The following NMT2 variants were observed in gnomAD, a reference collection of about 807,000 sequenced individuals.
NMT2 encodes the protein N-myristoyltransferase 2, also known as glycylpeptide N-tetradecanoyltransferase 2.
NMT2 carries 35 observed loss-of-function variants against 65.4 expected under a neutral mutation model. The ratio of observed to expected loss-of-function variants is 0.54; its 90% CI spans 0.41 to 0.71. NMT2 has a LOEUF of 0.71. Among genes scored for constraint, NMT2 ranks in the 30% least tolerant of loss-of-function variants. NMT2 has a pLI of 0.00. For missense variants in NMT2, 489 were observed against 611.3 expected (o/e 0.80, Z 2.11); for synonymous variants, 226 against 231.8 (o/e 0.98, Z 0.23).
At chr10:15,166,210 GT>G (rs1176038715) in intron 1 of NMT2, among the ~76,000 whole-genome samples, 9 of 152,176 alleles carry the variant, frequency 5.9e-5, no homozygotes, top group African/African-American at 2.2e-4. Flanking sequence ...ATTATACTGA[GT>G]GGTGGGGTAA....
intron 8 of NMT2, among the ~76,000 whole-genome samples, chr10:15,120,892 G>C (rs1013129440): frequency 2.0e-5 from 3 of 152,178 alleles, no homozygotes; most frequent in Non-Finnish European, 4.4e-5. Flanking sequence ...TCTGGGTAAA[G>C]GTGATCAGGG....
chr10:15,113,978 T>G (rs1346641290), intron 9 of NMT2, among the ~76,000 whole-genome samples: 1 of 152,220 alleles, frequency 6.6e-6, no homozygotes, highest in African/African-American at 2.4e-5. Flanking sequence ...CTGAAGAGGC[T>G]GGACCACACA....
intron 2 of NMT2, among the ~76,000 whole-genome samples, chr10:15,138,199 C>T (rs1247928236): frequency 1.3e-5 from 2 of 151,992 alleles, no homozygotes; most frequent in African/African-American, 4.8e-5. Flanking sequence ...TTAGTAGAGA[C>T]AGGGTTTCAC....
In NMT2 at chr10:15,168,219, C is replaced by G. The variant is rs937083800; in HGVS notation, c.110+284G>C. ...GGCGCCTCCTGGGCCAGGCCGCCGG[C>G]GGGGATGGGCGAGGCTGGCCGGGGG... On this transcript the variant is annotated intron_variant, in intron 1 of 11. Coordinates refer to ENST00000378165, the MANE Select transcript of NMT2 (RefSeq NM_004808.3). 4 of 301,462 alleles carry G rather than the reference C, an allele frequency of 1.3e-5. No individual in the cohort carries two copies. In the East Asian group the frequency reaches 2.5e-4, roughly 19 times the overall value. The allele number at this position is 301,462 out of a possible 1,614,324, so 18.7% of individuals were successfully genotyped here.
rs1343525671 is a variant in NMT2, at chr10:15,139,293, T to TATCTATCTATCC, written c.246+2128_246+2129insGGATAGATAGAT. Among the ~76,000 whole-genome samples the TATCTATCTATCC allele has an allele frequency of 4.4e-3, 596 of 136,254 alleles. 2 individuals carry two copies. The highest frequency in any genetic ancestry group is 0.013 in the East Asian group (57 of 4,372). 89.4% of individuals were successfully genotyped at this position (136,254 alleles called of 152,430 possible). A position where few individuals can be genotyped will look rare whatever the true frequency, so the allele number is the denominator to read the frequency against. The stretch of plus-strand genomic sequence containing the variant: ...CTATCTATCTATCTATCTATCTATC[T>TATCTATCTATCC]ATCCATCCATCCATCCCATTAGTTC... On this transcript the variant is annotated intron_variant, in intron 2 of 11. Coordinates refer to ENST00000378165, the MANE Select transcript of NMT2 (RefSeq NM_004808.3).
chr10:15,107,323 G>C lies in NMT2; in HGVS notation c.*1872C>G. The C allele has an allele frequency of 1.0e-6, 1 of 983,858 alleles. No individual in the cohort carries two copies. The allele number at this position is 983,858 out of a possible 1,614,324, so 60.9% of individuals were successfully genotyped here. ...TTTAGCCCACAGGCCATAGTTTGGT[G>C]GCCCCTGCCTGGGATAAGATATGAT... On this transcript the variant is annotated 3_prime_UTR_variant, in exon 12 of 12. Coordinates refer to ENST00000378165, the MANE Select transcript of NMT2 (RefSeq NM_004808.3).
rs1285507317 is a variant in NMT2 at position 15,143,352 on chromosome 10, C to CT, written c.111-1796dup. ...CCCTCTCCCACTTCTACCATGTATT[C>CT]TAACTGCTACTGGTTATGGCTTTCC... On this transcript the variant is annotated intron_variant, in intron 1 of 11. Transcript: ENST00000378165. Among the ~76,000 whole-genome samples the CT allele has an allele frequency of 8.5e-5, 13 of 152,346 alleles. No individual in the cohort carries two copies. The East Asian group carries it at 1.9e-3, about 23-fold the overall frequency.
At chr10:15,112,216 ATTTTTTTTTTTTTTTTT>A (rs869310724) in intron 10 of NMT2, among the ~76,000 whole-genome samples, 16 of 12,246 alleles carry the variant, frequency 1.3e-3, no homozygotes, top group African/African-American at 4.0e-3. Context: ...ATATATATAT[ATTTTTTTTTTTTTTTTT>A]TTTTTTTTTT....
At chr10:15,141,613 A>C (rs1483797928) in intron 1 of NMT2, 56 bp from the exon 2 acceptor site, 2 of 1,539,786 alleles carry the variant, frequency 1.3e-6, no homozygotes, top group Non-Finnish European at 1.7e-6. Flanking sequence ...CATTAAATGA[A>C]ATTGAATTGC....
chr10:15,108,394 C>T lies in NMT2; in HGVS notation c.*801G>A. ...TAGAGATGGGGTTTCACTATGTTGG[C>T]CAGAATGGTCTCGATCTCCTGACCT... On this transcript the variant is annotated 3_prime_UTR_variant, in exon 12 of 12. Transcript: ENST00000378165. 8.6e-6 allele frequency: 5 copies of T among 581,456 alleles called. No individual in the cohort carries two copies. The highest frequency in any genetic ancestry group is 1.1e-5 in the Non-Finnish European group (5 of 461,150). 36.0% of individuals were successfully genotyped at this position (581,456 alleles called of 1,614,324 possible). A position where few individuals can be genotyped will look rare whatever the true frequency, so the allele number is the denominator to read the frequency against.
In NMT2 at chr10:15,108,085, G is replaced by C; in HGVS notation, c.*1110C>G. 2.0e-6 allele frequency: 2 copies of C among 985,492 alleles called. No individual in the cohort carries two copies. Among genetic ancestry groups the C allele is most frequent in the Non-Finnish European group, 2.4e-6 (2 of 829,900 alleles). The allele number at this position is 985,492 out of a possible 1,614,324, so 61.0% of individuals were successfully genotyped here. A position where few individuals can be genotyped will look rare whatever the true frequency, so the allele number is the denominator to read the frequency against. On this transcript the variant is annotated 3_prime_UTR_variant, in exon 12 of 12. Coordinates refer to ENST00000378165, the MANE Select transcript of NMT2 (RefSeq NM_004808.3). ...ACCAGGCATCTCTTTTGACTTTACA[G>C]TTTTTTATTTCCTTTTCTTCATATA...
chr10:15,136,220 AGGAAAGGGAAAG>A (rs1182864895), intron 2 of NMT2, among the ~76,000 whole-genome samples: 3 of 144,662 alleles, frequency 2.1e-5, no homozygotes, highest in Admixed American at 6.9e-5. Context: ...AGACTCTGTC[AGGAAAGGGAAAG>A]GGAAAGGGAA....
At position 15,105,932 on chromosome 10, in the gene NMT2, G is replaced by A; in HGVS notation, c.*3263C>T. ...CAAATTATGTAAATGACTCTTTAAA[G>A]GAGCAGTGTAACTGTCACCGTGAGG... On this transcript the variant is annotated 3_prime_UTR_variant, in exon 12 of 12. Coordinates refer to ENST00000378165, the MANE Select transcript of NMT2 (RefSeq NM_004808.3). 1 of 309,434 alleles carries A rather than the reference G, an allele frequency of 3.2e-6. No homozygotes were observed. The highest frequency in any genetic ancestry group is 2.3e-5 in the South Asian group (1 of 42,750). The allele number at this position is 309,434 out of a possible 1,614,324, so 19.2% of individuals were successfully genotyped here.
intron 1 of NMT2, among the ~76,000 whole-genome samples, chr10:15,152,202 C>T (rs1415610205): frequency 6.6e-6 from 1 of 152,180 alleles, no homozygotes; most frequent in Non-Finnish European, 1.5e-5. Flanking sequence ...GTTGGTGAGG[C>T]TGTACAAATG....
chr10:15,167,410 A>C (rs1588470399), intron 1 of NMT2, among the ~76,000 whole-genome samples: 1 of 152,336 alleles, frequency 6.6e-6, no homozygotes, highest in East Asian at 1.9e-4. Flanking sequence ...TCAATGATCA[A>C]TCATTTCAAG....
At chr10:15,133,428 C>G in intron 3 of NMT2, 65 bp from the exon 4 acceptor site, 2 of 1,294,682 alleles carry the variant, frequency 1.5e-6, no homozygotes, top group South Asian at 2.4e-5. Flanking sequence ...ACAAAGTATT[C>G]TAACCATCCA....
At chr10:15,157,981 C>T (rs1833057097) in intron 1 of NMT2, among the ~76,000 whole-genome samples, 1 of 152,078 alleles carries the variant, frequency 6.6e-6, no homozygotes. Flanking sequence ...AACTGATAAG[C>T]CACAATCTCT....
rs1845420187 is a variant in NMT2, at chr10:15,109,199, T to G, written c.1493A>C (p.Gln498Pro). The change falls in exon 12 of 12, where the codon CAA (glutamine) becomes CCA (proline). Residue 498 changes from glutamine (Q) to proline (P), a missense_variant. Coordinates refer to ENST00000378165, the MANE Select transcript of NMT2 (RefSeq NM_004808.3). ...TCTAGAAATAAAAATATCCATCTAT[T>G]GTAGTACTAGTCCAACCTGAAGGGA... The part of the protein sequence containing the change: ...TDSEKVGLVL[Q>P] 1 of 1,604,894 alleles carries G rather than the reference T, an allele frequency of 6.2e-7. No homozygotes were observed. The highest frequency in any genetic ancestry group is 8.5e-7 in the Non-Finnish European group (1 of 1,176,866).
At chr10:15,127,898 CAA>C (rs75529340) in intron 8 of NMT2, among the ~76,000 whole-genome samples, 2,442 of 104,148 alleles carry the variant, frequency 0.023, 68 homozygotes, top group African/African-American at 0.076. Context: ...AGACTGTCTC[CAA>C]AAAAAAAAAA....
Sources: gnomAD v4.1 joint callset for allele counts (sites outside exome capture counted in the v4.1 genomes callset) on GRCh38, gnomAD v4.1.1 for gene constraint, MANE v1.5 for transcripts, NCBI Gene and HGNC (gene_info 2026-07-23, HGNC 2026-07-21) for gene names.